The following SLC8A3 variants were observed in gnomAD, a reference collection of about 807,000 sequenced individuals.
The protein encoded by SLC8A3 is solute carrier family 8 member A3, also known as sodium/calcium exchanger 3.
SLC8A3 carries 37 observed loss-of-function variants against 65.4 expected under a neutral mutation model. That is an observed-to-expected ratio of 0.57 (90% CI 0.44 to 0.74). The LOEUF (loss-of-function observed/expected upper bound fraction) is 0.74. Ranked by LOEUF, SLC8A3 falls within the 30% of genes least tolerant of loss-of-function variation. SLC8A3 has a pLI of 0.00. For missense variants in SLC8A3, 1,112 were observed against 1,172.1 expected (o/e 0.95, Z 0.75); for synonymous variants, 461 against 444.5 (o/e 1.04, Z -0.47).
rs1896088265 is a variant in SLC8A3 at position 70,148,724 on chromosome 14, A to G, written c.1784+17915T>C. Among the ~76,000 whole-genome samples the G allele has an allele frequency of 2.0e-5, 3 of 152,356 alleles. No individual in the cohort carries two copies. The South Asian group carries it at 6.2e-4, about 32-fold the overall frequency. On this transcript the variant is annotated intron_variant, in intron 2 of 6. Coordinates refer to ENST00000356921, the MANE Select transcript of SLC8A3 (RefSeq NM_182932.3). ...ATATTTTTGATGTACACAAACAGCA[A>G]TACATACGATTCAACCAGCTATGTG...
At chr14:70,182,729 G>A (rs1056702449) in intron 1 of SLC8A3, among the ~76,000 whole-genome samples, 3 of 152,158 alleles carry the variant, frequency 2.0e-5, no homozygotes, top group African/African-American at 7.2e-5. Flanking sequence ...AGAGTTTGTT[G>A]AAGGCATGAT....
At chr14:70,060,809 T>A (rs367618235) in intron 3 of SLC8A3, 27 bp downstream of exon 3, 18 of 1,092,190 alleles carry the variant, frequency 1.6e-5, no homozygotes, top group Non-Finnish European at 2.5e-5. Flanking sequence ...TTTTTTTTTG[T>A]TGTTTTGTTT....
At chr14:70,099,475 G>T (rs1188128326) in intron 2 of SLC8A3, among the ~76,000 whole-genome samples, 2 of 152,206 alleles carry the variant, frequency 1.3e-5, no homozygotes, top group Non-Finnish European at 2.9e-5. Flanking sequence ...TGACTGTAAA[G>T]AATTTACTTT....
Position 70,045,868 on chromosome 14 carries a change from G to A in SLC8A3, c.*79C>T. 7.2e-7 allele frequency: 1 copy of A among 1,379,792 alleles called. No individual in the cohort carries two copies. The highest frequency in any genetic ancestry group is 9.7e-7 in the Non-Finnish European group (1 of 1,028,960). The allele number at this position is 1,379,792 out of a possible 1,614,324, so 85.5% of individuals were successfully genotyped here. ...CTGCCTCTCCAGGGCAGTGCAGTCG[G>A]GAGAGATCACTGGTGGGGAAGTGCC... On this transcript the variant is annotated 3_prime_UTR_variant, in exon 7 of 7. Transcript: ENST00000356921.
At chr14:70,126,656 A>C (rs1199188247) in intron 2 of SLC8A3, among the ~76,000 whole-genome samples, 1 of 151,850 alleles carries the variant, frequency 6.6e-6, no homozygotes, top group Non-Finnish European at 1.5e-5. Context: ...GGGTGCCCAG[A>C]GAATGAAAAT....
At chr14:70,057,731 C>A (rs1296515978) in intron 3 of SLC8A3, among the ~76,000 whole-genome samples, 2 of 152,186 alleles carry the variant, frequency 1.3e-5, no homozygotes, top group Non-Finnish European at 2.9e-5. Flanking sequence ...TGTATTGATC[C>A]CCTGGGTCAG....
intron 2 of SLC8A3, among the ~76,000 whole-genome samples, chr14:70,075,300 T>C (rs2093763588): frequency 1.3e-5 from 2 of 152,154 alleles, no homozygotes; most frequent in Admixed American, 6.5e-5. Context: ...CACTGGCCCT[T>C]CCTTTTCTCT....
chr14:70,161,251 T>C (rs530101653), intron 2 of SLC8A3, among the ~76,000 whole-genome samples: 17 of 111,716 alleles, frequency 1.5e-4, no homozygotes, highest in Non-Finnish European at 2.8e-4. Context: ...GATGTGCCAC[T>C]GCACTCCAGC....
intron 2 of SLC8A3, among the ~76,000 whole-genome samples, chr14:70,085,220 G>T (rs906907648): frequency 3.1e-4 from 47 of 151,934 alleles, no homozygotes; most frequent in African/African-American, 1.1e-3. Context: ...CACTGGTGTT[G>T]GGAAGGGGAA....
chr14:70,050,886 G>C (rs1887420141), intron 5 of SLC8A3, 122 bp downstream of exon 5: 1 of 636,496 alleles, frequency 1.6e-6, no homozygotes. Flanking sequence ...CCTAGGACCA[G>C]AGCTGGGAAG....
In SLC8A3 at chr14:70,045,866, C is replaced by A. The variant is rs369555981; in HGVS notation, c.*81G>T. ...TGCTGCCTCTCCAGGGCAGTGCAGT[C>A]GGGAGAGATCACTGGTGGGGAAGTG... On this transcript the variant is annotated 3_prime_UTR_variant, in exon 7 of 7. Transcript: ENST00000356921. 47 of 1,367,468 alleles carry A rather than the reference C, an allele frequency of 3.4e-5. No individual in the cohort carries two copies. The highest frequency in any genetic ancestry group is 4.5e-5 in the Non-Finnish European group (46 of 1,019,006). The allele number at this position is 1,367,468 out of a possible 1,614,324, so 84.7% of individuals were successfully genotyped here. A position where few individuals can be genotyped will look rare whatever the true frequency, so the allele number is the denominator to read the frequency against.
At chr14:70,129,670 T>C (rs973330985) in intron 2 of SLC8A3, among the ~76,000 whole-genome samples, 14 of 152,272 alleles carry the variant, frequency 9.2e-5, no homozygotes, top group Non-Finnish European at 2.9e-5. Flanking sequence ...GGGAGATAGT[T>C]GTATATTCAA....
intron 2 of SLC8A3, among the ~76,000 whole-genome samples, chr14:70,132,696 G>A (rs1247877898): frequency 3.9e-5 from 6 of 152,154 alleles, no homozygotes; most frequent in Admixed American, 2.6e-4. Flanking sequence ...GGGGGTAGGG[G>A]TATCTAAATT....
At chr14:70,105,751 C>A (rs930921094) in intron 2 of SLC8A3, among the ~76,000 whole-genome samples, 1 of 152,108 alleles carries the variant, frequency 6.6e-6, no homozygotes, top group East Asian at 1.9e-4. Flanking sequence ...GCTTACCTGA[C>A]CTTGCTTTCT....
At chr14:70,071,062 T>C (rs987833141) in intron 2 of SLC8A3, among the ~76,000 whole-genome samples, 1 of 152,224 alleles carries the variant, frequency 6.6e-6, no homozygotes, top group African/African-American at 2.4e-5. Context: ...ATAGTTCTGA[T>C]TGATTTACAG....
At chr14:70,132,950 T>G (rs935994275) in intron 2 of SLC8A3, among the ~76,000 whole-genome samples, 2 of 152,180 alleles carry the variant, frequency 1.3e-5, no homozygotes, top group Non-Finnish European at 1.5e-5. Flanking sequence ...TTGGCTTCTC[T>G]GCTTATCACT....
intron 2 of SLC8A3, among the ~76,000 whole-genome samples, chr14:70,101,574 A>AG (rs1892556777): frequency 6.6e-6 from 1 of 152,186 alleles, no homozygotes; most frequent in Admixed American, 6.5e-5. Flanking sequence ...AAAGCTACCA[A>AG]GGGGTTTGGG....
At chr14:70,098,515 C>A (rs2140096006) in intron 2 of SLC8A3, among the ~76,000 whole-genome samples, 1 of 152,276 alleles carries the variant, frequency 6.6e-6, no homozygotes. Flanking sequence ...GGCAGGGAAG[C>A]AGGTGGAGAA....
intron 2 of SLC8A3, among the ~76,000 whole-genome samples, chr14:70,097,114 C>T (rs1892229604): frequency 6.6e-6 from 1 of 151,972 alleles, no homozygotes; most frequent in South Asian, 2.1e-4. Context: ...CACAGTTCTG[C>T]AAGAAATGTT....
Sources: gnomAD v4.1 joint callset for allele counts (sites outside exome capture counted in the v4.1 genomes callset) on GRCh38, gnomAD v4.1.1 for gene constraint, MANE v1.5 for transcripts, NCBI Gene and HGNC (gene_info 2026-07-23, HGNC 2026-07-21) for gene names.